Variants in CNTNAP5 observed in about 807,000 individuals in gnomAD.
CNTNAP5 encodes the protein contactin associated protein family member 5.
CNTNAP5 carries 72 observed loss-of-function variants against 150.2 expected under a neutral mutation model. The ratio of observed to expected loss-of-function variants is 0.48; its 90% confidence interval spans 0.40 to 0.58. The LOEUF (loss-of-function observed/expected upper bound fraction) is 0.58, where lower values mean the gene tolerates loss of function less well. Ranked by LOEUF, CNTNAP5 falls within the 20% of genes least tolerant of loss-of-function variation. The pLI is 0.00. For missense variants in CNTNAP5, 1,636 were observed against 1,626.2 expected, an observed-to-expected ratio of 1.01 and a Z score of -0.10; for synonymous variants, 672 against 619.8, an observed-to-expected ratio of 1.08 and a Z score of -1.25.
chr2:124,908,227 T>C (rs1048661226), intron 22 of CNTNAP5, among the ~76,000 whole-genome samples: 2 of 151,754 alleles, frequency 1.3e-5, no homozygotes, highest in South Asian at 2.1e-4. Flanking sequence ...AAAAATTAGC[T>C]GGGCATGGTG....
intron 1 of CNTNAP5, among the ~76,000 whole-genome samples, chr2:124,040,217 G>A (rs1031030602): frequency 1.3e-5 from 2 of 152,024 alleles, no homozygotes; most frequent in Admixed American, 6.6e-5. Flanking sequence ...CTTTCACATG[G>A]TTCTTTTGCC....
At chr2:124,034,698 A>T (rs191207598) in intron 1 of CNTNAP5, among the ~76,000 whole-genome samples, 7 of 152,292 alleles carry the variant, frequency 4.6e-5, no homozygotes. Flanking sequence ...AATGGAGAAG[A>T]TGTCAGCATT....
intron 6 of CNTNAP5, among the ~76,000 whole-genome samples, chr2:124,459,338 C>G (rs1406056401): frequency 6.6e-6 from 1 of 152,126 alleles, no homozygotes; most frequent in African/African-American, 2.4e-5. Flanking sequence ...CCTCCCTACC[C>G]CTGTGGGAGG....
intron 1 of CNTNAP5, among the ~76,000 whole-genome samples, chr2:124,035,510 T>C (rs1346857557): frequency 5.9e-5 from 9 of 152,130 alleles, no homozygotes; most frequent in Non-Finnish European, 1.3e-4. Flanking sequence ...ATGGCATAAG[T>C]TAATGCTTTT....
intron 11 of CNTNAP5, among the ~76,000 whole-genome samples, chr2:124,573,941 G>A (rs139101513): frequency 3.3e-5 from 5 of 152,252 alleles, no homozygotes; most frequent in South Asian, 4.2e-4. Flanking sequence ...TTGAAATTTG[G>A]CATTTCCAGG....
chr2:124,059,006 T>C (rs888014648), intron 1 of CNTNAP5, among the ~76,000 whole-genome samples: 20 of 152,288 alleles, frequency 1.3e-4, no homozygotes, highest in Middle Eastern at 3.4e-3. Flanking sequence ...TCTCACAGGG[T>C]ATTTTTTTTA....
In CNTNAP5 at chr2:124,215,171, T is replaced by A. The variant is rs144808619; in HGVS notation, c.83-6534T>A. ...CTTTTAGACAAAGTAGGCTATTAAG[T>A]GTGCAATGCTAAGAGGAATTTTATC... On this transcript the variant is annotated intron_variant, in intron 1 of 23. Coordinates refer to ENST00000682447, the MANE Select transcript of CNTNAP5 (RefSeq NM_001367498.1). Among the ~76,000 whole-genome samples the A allele has an allele frequency of 9.0e-3, 1,376 of 152,272 alleles. 22 individuals carry two copies. The highest frequency in any genetic ancestry group is 0.031 in the African/African-American group (1,292 of 41,534).
At chr2:124,749,893 T>C (rs1680688919) in intron 14 of CNTNAP5, among the ~76,000 whole-genome samples, 1 of 152,174 alleles carries the variant, frequency 6.6e-6, no homozygotes, top group Non-Finnish European at 1.5e-5. Flanking sequence ...CGTGGCCTTA[T>C]ATCCCTTAAT....
chr2:124,881,763 C>T (rs72963886), intron 21 of CNTNAP5, among the ~76,000 whole-genome samples: 2,692 of 152,160 alleles, frequency 0.018, 78 homozygotes, highest in African/African-American at 0.061. Flanking sequence ...GTAGCTGCTT[C>T]CTTGGGAAAA....
At chr2:124,135,195 T>C (rs919632585) in intron 1 of CNTNAP5, 4 of 152,222 alleles carry the variant, frequency 2.6e-5, no homozygotes, top group African/African-American at 9.6e-5. Flanking sequence ...CGGCCAAGGT[T>C]TTCACCTTTT....
At chr2:124,626,737 T>A (rs529343882) in intron 12 of CNTNAP5, among the ~76,000 whole-genome samples, 9 of 152,124 alleles carry the variant, frequency 5.9e-5, no homozygotes, top group Non-Finnish European at 1.0e-4. Flanking sequence ...AAGGGGGCTG[T>A]AGCCAGGGAG....
intron 7 of CNTNAP5, among the ~76,000 whole-genome samples, chr2:124,491,862 A>G (rs1429762835): frequency 6.6e-6 from 1 of 152,098 alleles, no homozygotes; most frequent in South Asian, 2.1e-4. Flanking sequence ...TAAACGATTA[A>G]CAATATGAAT....
intron 14 of CNTNAP5, among the ~76,000 whole-genome samples, chr2:124,762,461 A>G (rs1259343053): frequency 1.3e-5 from 2 of 152,148 alleles, no homozygotes; most frequent in Admixed American, 6.6e-5. Flanking sequence ...GCCTGGGGCC[A>G]CAGAGTAGTT....
At chr2:124,645,636 T>C (rs1678187633) in intron 12 of CNTNAP5, among the ~76,000 whole-genome samples, 1 of 152,192 alleles carries the variant, frequency 6.6e-6, no homozygotes, top group African/African-American at 2.4e-5. Context: ...GGGCTGGTTT[T>C]AGGAAATAGT....
At chr2:124,155,560 A>G in intron 1 of CNTNAP5, among the ~76,000 whole-genome samples, 1 of 152,270 alleles carries the variant, frequency 6.6e-6, no homozygotes, top group East Asian at 1.9e-4. Context: ...CTAGGAAAAA[A>G]ATAAGATTTC....
At chr2:124,170,874 C>T (rs1684914989) in intron 1 of CNTNAP5, among the ~76,000 whole-genome samples, 1 of 151,914 alleles carries the variant, frequency 6.6e-6, no homozygotes, top group African/African-American at 2.4e-5. Flanking sequence ...CCCCATGGCA[C>T]ATCCCTTCTA....
At chr2:124,847,392 G>A (rs1683071377) in intron 19 of CNTNAP5, among the ~76,000 whole-genome samples, 1 of 152,078 alleles carries the variant, frequency 6.6e-6, no homozygotes, top group African/African-American at 2.4e-5. Flanking sequence ...GGGAAGTGGG[G>A]GAAAGCAGGC....
intron 17 of CNTNAP5, among the ~76,000 whole-genome samples, chr2:124,786,226 G>A (rs192481657): frequency 2.5e-4 from 38 of 151,062 alleles, no homozygotes; most frequent in African/African-American, 7.3e-5. Flanking sequence ...TCACACCACC[G>A]CACTCCAGCC....
intron 13 of CNTNAP5, among the ~76,000 whole-genome samples, chr2:124,685,739 A>AGTGTGTGT (rs374079431): frequency 9.7e-4 from 127 of 130,802 alleles, no homozygotes; most frequent in African/African-American, 3.4e-3. Flanking sequence ...ATCTAAAGTA[A>AGTGTGTGT]GTGTGTGTGT....
Sources: gnomAD v4.1 joint callset for allele counts (sites outside exome capture counted in the v4.1 genomes callset) on GRCh38, gnomAD v4.1.1 for gene constraint, MANE v1.5 for transcripts, NCBI Gene and HGNC (gene_info 2026-07-23, HGNC 2026-07-21) for gene names.